PASD1: variants seen among roughly 807,000 people sequenced by gnomAD.
PASD1 encodes the protein PAS domain containing repressor 1.
Under a neutral mutation model 58.8 loss-of-function variants are expected in PASD1, and 13 were observed. That is an observed-to-expected ratio of 0.22 (90% CI 0.14 to 0.35). PASD1 has a LOEUF of 0.35. Ranked by LOEUF, PASD1 falls within the 10% of genes least tolerant of loss-of-function variation. The probability of loss-of-function intolerance (pLI) is 1.00; values close to 1 mark genes in which losing one functional copy is unlikely to be tolerated. For synonymous variants in PASD1, 236 were observed against 216.7 expected (o/e 1.09, Z -0.78); for missense variants, 734 against 568.3 (o/e 1.29, Z -2.96).
chrX:151,669,374 C>T (rs1376864196), intron 11 of PASD1, among the ~76,000 whole-genome samples: 1 of 110,089 alleles, frequency 9.1e-6, no homozygotes, highest in Non-Finnish European at 1.9e-5. Context: ...GGATACCCAT[C>T]ACTTCAAATA....
intron 6 of PASD1, 32 bp downstream of exon 6, chrX:151,621,624 C>T (rs776431720): frequency 1.0e-6 from 1 of 1,001,585 alleles, no homozygotes; most frequent in African/African-American, 1.9e-5. Context: ...ATCTATATGA[C>T]ATTTATGAGT....
chrX:151,630,309 C>G (rs2013851589), intron 8 of PASD1, among the ~76,000 whole-genome samples: 1 of 111,808 alleles, frequency 8.9e-6, no homozygotes, highest in African/African-American at 3.3e-5. Context: ...CTAACCTGAA[C>G]TCTGTAAGGC....
In PASD1 at chrX:151,671,727, A is replaced by T. The variant is rs765570813; in HGVS notation, c.1385A>T (p.Asn462Ile). 7.4e-6 allele frequency: 9 copies of T among 1,209,924 alleles called. No homozygotes were observed. Among genetic ancestry groups the T allele is most frequent in the South Asian group, 3.5e-5 (2 of 56,906 alleles). The change falls in exon 13 of 16, where the codon AAC (asparagine) becomes ATC (isoleucine). Residue 462 changes from asparagine (N) to isoleucine (I), a missense_variant. Asn to Ile is a moderately radical substitution (Grantham distance 149). Transcript: ENST00000370357. Reference sequence around the variant, plus strand: ...TGTTTCTGTGGTTTATCTTTATCCAACTCTCTCAAAAACACTGGGGAGCTT... The same window carrying T: ...TGTTTCTGTGGTTTATCTTTATCCATCTCTCTCAAAAACACTGGGGAGCTT... ...VKCFCGLSLS[N>I]SLKNTGELQE...
chrX:151,625,666 A>G, intron 8 of PASD1, 136 bp downstream of exon 8: 1 of 519,443 alleles, frequency 1.9e-6, no homozygotes, highest in Non-Finnish European at 3.2e-6. Flanking sequence ...CAAACGGGCC[A>G]GGGATGGTGG....
chrX:151,594,920 A>C (rs947697678), intron 1 of PASD1, among the ~76,000 whole-genome samples: 17 of 111,618 alleles, frequency 1.5e-4, no homozygotes, highest in African/African-American at 5.2e-4. Context: ...GTAGAATTCT[A>C]GGTTGATTTT....
chrX:151,589,350 C>T (rs997643684), intron 1 of PASD1, among the ~76,000 whole-genome samples: 3 of 111,621 alleles, frequency 2.7e-5, no homozygotes, highest in African/African-American at 9.8e-5. Flanking sequence ...ACACAGTTCT[C>T]TCATTGTTGC....
intron 8 of PASD1, among the ~76,000 whole-genome samples, chrX:151,641,545 G>T (rs1331126470): frequency 2.7e-5 from 3 of 111,242 alleles, no homozygotes; most frequent in African/African-American, 9.8e-5. Flanking sequence ...CCCACAAAAA[G>T]AATATGATTT....
intron 9 of PASD1, among the ~76,000 whole-genome samples, chrX:151,656,123 A>G (rs1275855109): frequency 8.9e-6 from 1 of 112,047 alleles, no homozygotes; most frequent in African/African-American, 3.2e-5. Flanking sequence ...TCCTTTCCCC[A>G]TGTCTTGTTT....
At chrX:151,583,119 G>T (rs1482584222) in intron 1 of PASD1, among the ~76,000 whole-genome samples, 1 of 111,052 alleles carries the variant, frequency 9.0e-6, no homozygotes, top group East Asian at 2.8e-4. Flanking sequence ...CAAGAGTGTT[G>T]AAAAAGGGCC....
At chrX:151,600,404 A>C (rs2013400362) in intron 1 of PASD1, among the ~76,000 whole-genome samples, 1 of 111,177 alleles carries the variant, frequency 9.0e-6, no homozygotes, top group African/African-American at 3.3e-5. Flanking sequence ...TTATTTGTGG[A>C]AATTCTGTGG....
chrX:151,670,507 T>C (rs1294499338), intron 11 of PASD1, among the ~76,000 whole-genome samples: 2 of 112,382 alleles, frequency 1.8e-5, no homozygotes, highest in Admixed American at 9.4e-5. Flanking sequence ...AAGTTAAAAT[T>C]AGATTTCCAG....
At chrX:151,657,498 T>G (rs1043306424) in intron 9 of PASD1, among the ~76,000 whole-genome samples, 5 of 111,290 alleles carry the variant, frequency 4.5e-5, no homozygotes, top group East Asian at 2.8e-4. Context: ...CCGGAGTTTG[T>G]TTGGTTGGTA....
intron 9 of PASD1, among the ~76,000 whole-genome samples, chrX:151,654,736 T>C (rs1166778167): frequency 1.8e-5 from 2 of 111,561 alleles, no homozygotes; most frequent in Admixed American, 1.9e-4. Context: ...AAGGAGATAA[T>C]GTCTGATGAG....
rs1181068791 is a variant in PASD1, at chrX:151,625,628, C to G, written c.629+98C>G. 85 of 678,084 alleles carry G rather than the reference C, an allele frequency of 1.3e-4. No homozygotes were observed. In the South Asian group the frequency reaches 2.5e-3, roughly 20 times the overall value. 55.9% of individuals were successfully genotyped at this position (678,084 alleles called of 1,213,427 possible). On this transcript the variant is annotated intron_variant, in intron 8 of 15. Transcript: ENST00000370357. ...AATAACACCTACAGATATTTTTTTTCCCATCAAAATGAAAATGAAAAAAGA... is the reference window on the plus strand; with the variant it reads ...AATAACACCTACAGATATTTTTTTTGCCATCAAAATGAAAATGAAAAAAGA...
intron 8 of PASD1, among the ~76,000 whole-genome samples, chrX:151,635,016 C>G (rs915518936): frequency 1.4e-4 from 16 of 111,656 alleles, no homozygotes; most frequent in African/African-American, 4.9e-4. Flanking sequence ...TCCCCTCTGC[C>G]TCATTAATTG....
intron 1 of PASD1, among the ~76,000 whole-genome samples, chrX:151,567,882 C>T (rs752056769): frequency 3.6e-5 from 4 of 110,991 alleles, no homozygotes; most frequent in African/African-American, 9.8e-5. Flanking sequence ...TCACTATGCC[C>T]GGCTAATTTT....
At chrX:151,577,557 C>G (rs2013025334) in intron 1 of PASD1, among the ~76,000 whole-genome samples, 2 of 111,447 alleles carry the variant, frequency 1.8e-5, no homozygotes, top group South Asian at 3.9e-4. Flanking sequence ...TGAAGTCTTG[C>G]TCTGTTGCCC....
intron 1 of PASD1, among the ~76,000 whole-genome samples, chrX:151,566,843 G>T (rs1429574033): frequency 9.1e-6 from 1 of 109,537 alleles, no homozygotes; most frequent in Non-Finnish European, 1.9e-5. Context: ...GAGGCAGGTG[G>T]ATCACCTGAG....
chrX:151,585,978 T>C (rs1372037789), intron 1 of PASD1, among the ~76,000 whole-genome samples: 1 of 111,860 alleles, frequency 8.9e-6, no homozygotes, highest in Non-Finnish European at 1.9e-5. Flanking sequence ...GCAGAATTCT[T>C]ACATGGCTTA....
Sources: allele counts gnomAD v4.1 joint callset (sites outside exome capture counted in the v4.1 genomes callset), GRCh38; gene constraint gnomAD v4.1.1; transcripts MANE v1.5; gene names NCBI Gene and HGNC (gene_info 2026-07-23, HGNC 2026-07-21).